FYB1: variants seen among roughly 807,000 people sequenced by gnomAD.
FYB1 encodes FYN binding protein 1.
Under a neutral mutation model 94.1 loss-of-function variants are expected in FYB1, and 41 were observed. That is an observed-to-expected ratio of 0.44 (90% CI 0.34 to 0.57). The LOEUF (loss-of-function observed/expected upper bound fraction) is 0.57. Ranked by LOEUF, FYB1 falls within the 20% of genes least tolerant of loss-of-function variation. The probability of loss-of-function intolerance (pLI) is 0.02; values close to 1 mark genes in which losing one functional copy is unlikely to be tolerated. For synonymous variants in FYB1, 367 were observed against 353.2 expected (o/e 1.04, Z -0.44); for missense variants, 1,050 against 976.8 (o/e 1.07, Z -1.00).
chr5:39,143,964 T>C (rs1345081448), intron 3 of FYB1, among the ~76,000 whole-genome samples: 1 of 152,240 alleles, frequency 6.6e-6, no homozygotes, highest in African/African-American at 2.4e-5. Context: ...CTTTAGTGAG[T>C]CTTTTTCATC....
intron 2 of FYB1, among the ~76,000 whole-genome samples, chr5:39,187,365 T>G (rs1746924085): frequency 6.6e-6 from 1 of 152,210 alleles, no homozygotes; most frequent in South Asian, 2.1e-4. Context: ...GGCACCTTGA[T>G]TTTAGGACAA....
chr5:39,259,306 A>G (rs1427640880), intron 1 of FYB1, among the ~76,000 whole-genome samples: 3 of 152,180 alleles, frequency 2.0e-5, no homozygotes, highest in Non-Finnish European at 2.9e-5. Flanking sequence ...AGAACAAGAA[A>G]CCCTGGACTA....
chr5:39,211,471 G>A (rs113682201), intron 1 of FYB1, among the ~76,000 whole-genome samples: 24,644 of 151,844 alleles, frequency 0.16, 3,074 homozygotes, highest in East Asian at 0.37. Flanking sequence ...ACAGGCGCCC[G>A]CCACCACGCC....
intron 2 of FYB1, chr5:39,169,761 T>C (rs1745079563): frequency 2.1e-6 from 1 of 486,216 alleles, no homozygotes; most frequent in Non-Finnish European, 4.0e-6. Context: ...TGTTGGGATG[T>C]GCTCAGTGCA....
intron 2 of FYB1, among the ~76,000 whole-genome samples, chr5:39,198,801 T>G (rs372683737): frequency 6.6e-6 from 1 of 152,104 alleles, no homozygotes; most frequent in Non-Finnish European, 1.5e-5. Context: ...TTAAGAATGT[T>G]TATAAGGATG....
At chr5:39,153,713 A>C (rs1743468884) in intron 2 of FYB1, 109 bp from the exon 3 acceptor site, 1 of 881,946 alleles carries the variant, frequency 1.1e-6, no homozygotes. Flanking sequence ...AAAAATTAAC[A>C]ACTGGCTATA....
Position 39,127,821 on chromosome 5 carries a change from G to A in FYB1, c.1841-14C>T, listed in dbSNP as rs774788298. 7 of 1,587,940 alleles carry A rather than the reference G, an allele frequency of 4.4e-6. No homozygotes were observed. Among genetic ancestry groups the A allele is most frequent in the African/African-American group, 2.7e-5 (2 of 73,732 alleles). ...GAGGGAATATCCCTTCATTTGGATTGGAGGAAAATCTTCTGTTAATTTTAT... is the reference window on the plus strand; with the variant it reads ...GAGGGAATATCCCTTCATTTGGATTAGAGGAAAATCTTCTGTTAATTTTAT... On this transcript the variant is annotated splice_polypyrimidine_tract_variant and intron_variant, in intron 10 of 18. Transcript: ENST00000512982.
intron 2 of FYB1, among the ~76,000 whole-genome samples, chr5:39,194,386 C>G (rs540795027): frequency 6.6e-6 from 1 of 151,920 alleles, no homozygotes; most frequent in African/African-American, 2.4e-5. Flanking sequence ...TAAAGCTGGA[C>G]GTGGTAATAT....
At position 39,119,622 on chromosome 5, in the gene FYB1, A is replaced by G. The variant is rs762998354; in HGVS notation, c.2151T>C (p.Asn717=). 10 of 1,534,060 alleles carry G rather than the reference A, an allele frequency of 6.5e-6. No individual in the cohort carries two copies. The highest frequency in any genetic ancestry group is 1.3e-5 in the South Asian group (1 of 79,104). ...VSSAEMSQGT[N]VGKAKTEEKD... ...TTTCTTCTGTCTTAGCTTTTCCAACATTAGTTCCTTGACTAGAACGGCAGA... is the reference window on the plus strand; with the variant it reads ...TTTCTTCTGTCTTAGCTTTTCCAACGTTAGTTCCTTGACTAGAACGGCAGA... Residue 717 remains asparagine (N), a synonymous_variant, in exon 15 of 19, where the codon AAT becomes AAC. Transcript: ENST00000512982.
At chr5:39,192,376 A>G (rs1032449943) in intron 2 of FYB1, among the ~76,000 whole-genome samples, 1 of 152,194 alleles carries the variant, frequency 6.6e-6, no homozygotes, top group Admixed American at 6.5e-5. Flanking sequence ...TCATCTCACA[A>G]TGCATCTCAT....
chr5:39,141,035 G>A, intron 4 of FYB1, 60 bp downstream of exon 4: 1 of 1,198,382 alleles, frequency 8.3e-7, no homozygotes, highest in Non-Finnish European at 1.2e-6. Context: ...AGAATGAATA[G>A]CTCAAACTTC....
At chr5:39,265,520 G>C (rs192158566) in intron 1 of FYB1, among the ~76,000 whole-genome samples, 2 of 150,822 alleles carry the variant, frequency 1.3e-5, no homozygotes, top group African/African-American at 2.4e-5. Flanking sequence ...AGCTGGGGAT[G>C]GTGGTGGGCA....
rs531781276 is a variant in FYB1, at chr5:39,165,430, C to T, written c.1136-11826G>A. Reference sequence around the variant, plus strand: ...AATAAATGGTGCTGGGAAAATTTGACTGCCATATGCATAAGAATGAAACTG... The same window carrying T: ...AATAAATGGTGCTGGGAAAATTTGATTGCCATATGCATAAGAATGAAACTG... On this transcript the variant is annotated intron_variant, in intron 2 of 18. Transcript: ENST00000512982. Among the ~76,000 whole-genome samples, 838 of 152,248 alleles carry T rather than the reference C, an allele frequency of 5.5e-3. 7 individuals are homozygous for T. Among genetic ancestry groups the T allele is most frequent in the African/African-American group, 0.018 (751 of 41,540 alleles).
intron 2 of FYB1, among the ~76,000 whole-genome samples, chr5:39,156,605 C>T (rs748875767): frequency 4.6e-5 from 7 of 152,208 alleles, no homozygotes; most frequent in Non-Finnish European, 8.8e-5. Flanking sequence ...TCCTATGTTA[C>T]ACTACTATGT....
intron 1 of FYB1, among the ~76,000 whole-genome samples, chr5:39,209,698 G>T (rs111491679): frequency 6.6e-6 from 1 of 152,062 alleles, no homozygotes; most frequent in Non-Finnish European, 1.5e-5. Flanking sequence ...GTAAAAGCAG[G>T]AACCTGGTTT....
chr5:39,226,195 C>T (rs1380069576), intron 1 of FYB1, among the ~76,000 whole-genome samples: 1 of 152,202 alleles, frequency 6.6e-6, no homozygotes, highest in Non-Finnish European at 1.5e-5. Context: ...CCTGTTGCTC[C>T]TGTCTCCCAA....
In FYB1 at chr5:39,105,305, A is replaced by G. The variant is rs1048359711; in HGVS notation, c.*2138T>C. 6.6e-6 allele frequency: 1 copy of G among 152,178 alleles called. No individual in the cohort carries two copies. The highest frequency in any genetic ancestry group is 6.5e-5 in the Admixed American group (1 of 15,284). 9.4% of individuals were successfully genotyped at this position (152,178 alleles called of 1,614,324 possible). On this transcript the variant is annotated 3_prime_UTR_variant, in exon 19 of 19. Coordinates refer to ENST00000512982, the MANE Select transcript of FYB1 (RefSeq NM_001465.6). Reference sequence around the variant, plus strand: ...AGCTCATCTTAAGTGACAAAATTCCATACAGAAGACTATAACAGAAATCAT... The same window carrying G: ...AGCTCATCTTAAGTGACAAAATTCCGTACAGAAGACTATAACAGAAATCAT...
chr5:39,115,657 G>A (rs1739495788), intron 16 of FYB1, among the ~76,000 whole-genome samples: 1 of 152,070 alleles, frequency 6.6e-6, no homozygotes, highest in African/African-American at 2.4e-5. Flanking sequence ...ATCTTATAGA[G>A]GTGTGCCAAG....
intron 3 of FYB1, among the ~76,000 whole-genome samples, chr5:39,149,190 G>C (rs1206934389): frequency 6.6e-6 from 1 of 152,162 alleles, no homozygotes; most frequent in Admixed American, 6.5e-5. Flanking sequence ...ATTCTCACCT[G>C]TCTGGAATCT....
Sources: gnomAD v4.1 joint callset for allele counts (sites outside exome capture counted in the v4.1 genomes callset) on GRCh38, gnomAD v4.1.1 for gene constraint, MANE v1.5 for transcripts, NCBI Gene and HGNC (gene_info 2026-07-23, HGNC 2026-07-21) for gene names.